The following PLEKHA5 variants were observed in gnomAD, a reference collection of about 807,000 sequenced individuals.
PLEKHA5 encodes the protein pleckstrin homology domain-containing family A member 5.
PLEKHA5 carries 55 observed loss-of-function variants against 181.9 expected under a neutral mutation model. The ratio of observed to expected loss-of-function variants is 0.30; its 90% CI spans 0.24 to 0.38. The LOEUF is 0.38. PLEKHA5 is among the 10% of genes least tolerant of loss of function. PLEKHA5 has a pLI of 1.00. For missense variants in PLEKHA5, 1,432 were observed against 1,549.5 expected, an observed-to-expected ratio of 0.92 and a Z score of 1.27; for synonymous variants, 535 against 529.4, an observed-to-expected ratio of 1.01 and a Z score of -0.15.
chr12:19,278,450 T>C (rs1262285801), intron 11 of PLEKHA5, among the ~76,000 whole-genome samples: 2 of 152,182 alleles, frequency 1.3e-5, no homozygotes, highest in South Asian at 2.1e-4. Flanking sequence ...CTTCCTTACA[T>C]GTTTCTATGA....
chr12:19,138,556 G>C (rs1043341669), intron 3 of PLEKHA5, among the ~76,000 whole-genome samples: 12 of 148,776 alleles, frequency 8.1e-5, no homozygotes, highest in Non-Finnish European at 1.5e-5. Flanking sequence ...CTGGGTGACA[G>C]AGTAAGACTC....
intron 3 of PLEKHA5, among the ~76,000 whole-genome samples, chr12:19,209,311 T>C (rs1034377027): frequency 3.3e-5 from 5 of 152,128 alleles, no homozygotes; most frequent in African/African-American, 1.2e-4. Context: ...GGATAACTCA[T>C]TTTAGGAAGG....
chr12:19,339,747 A>G (rs1341871192), intron 21 of PLEKHA5, among the ~76,000 whole-genome samples: 1 of 152,210 alleles, frequency 6.6e-6, no homozygotes, highest in African/African-American at 2.4e-5. Flanking sequence ...TTGCATATAC[A>G]GCCTTAGACC....
chr12:19,143,637 A>C (rs1256495084), intron 3 of PLEKHA5, among the ~76,000 whole-genome samples: 1 of 152,160 alleles, frequency 6.6e-6, no homozygotes, highest in Admixed American at 6.6e-5. Context: ...ATTATGCACA[A>C]TTATGTATGC....
In PLEKHA5 at chr12:19,283,500, T is replaced by A. The variant is rs779817113; in HGVS notation, c.1534T>A (p.Trp512Arg). The A allele has an allele frequency of 3.7e-6, 6 of 1,614,052 alleles. No individual in the cohort carries two copies. The highest frequency in any genetic ancestry group is 1.3e-5 in the African/African-American group (1 of 74,932). Residue 512 changes from tryptophan (W) to arginine (R), a missense_variant, in exon 12 of 32, where the codon TGG becomes AGG. Around this residue, in one of 2 missense-constraint regions of PLEKHA5, gnomAD observed 1,143 missense variants for 1,168.4 expected, o/e 0.98. Coordinates refer to ENST00000429027, the MANE Select transcript of PLEKHA5 (RefSeq NM_001256470.2). Reference protein sequence around the residue: ...RDDTMWQLYEWQQRQFYNKQS... With the variant: ...RDDTMWQLYERQQRQFYNKQS... ...TGACACAATGTGGCAGCTCTACGAA[T>A]GGCAGCAGCGTCAGTTTTATAACAA...
At chr12:19,135,493 C>T (rs1471411231) in intron 3 of PLEKHA5, among the ~76,000 whole-genome samples, 3 of 152,178 alleles carry the variant, frequency 2.0e-5, no homozygotes, top group East Asian at 1.9e-4. Context: ...AGAGATGATG[C>T]GGGAAATATG....
intron 31 of PLEKHA5, among the ~76,000 whole-genome samples, chr12:19,375,291 C>G (rs1991588): frequency 0.23 from 35,031 of 151,886 alleles, 4,027 homozygotes; most frequent in Middle Eastern, 0.34. Context: ...ACCACTGCAC[C>G]CCAGCCTAGG....
chr12:19,171,177 T>C (rs1237742726), intron 3 of PLEKHA5, among the ~76,000 whole-genome samples: 1 of 152,160 alleles, frequency 6.6e-6, no homozygotes, highest in Non-Finnish European at 1.5e-5. Context: ...AGCTTGAGGA[T>C]TGTGATGTCC....
chr12:19,231,339 G>A (rs546729309), intron 3 of PLEKHA5, among the ~76,000 whole-genome samples: 2 of 151,846 alleles, frequency 1.3e-5, no homozygotes, highest in African/African-American at 2.4e-5. Context: ...TGTAGAAAAC[G>A]AGTTAGATTT....
intron 3 of PLEKHA5, among the ~76,000 whole-genome samples, chr12:19,203,767 T>A (rs973395884): frequency 1.3e-5 from 2 of 152,162 alleles, no homozygotes; most frequent in African/African-American, 4.8e-5. Flanking sequence ...TTGTACTCAT[T>A]TTTGTTTCCA....
At chr12:19,354,446 C>A (rs1413552473) in intron 26 of PLEKHA5, among the ~76,000 whole-genome samples, 1 of 146,514 alleles carries the variant, frequency 6.8e-6, no homozygotes, top group Non-Finnish European at 1.5e-5. Flanking sequence ...AGCCACCGCC[C>A]CCCAGCCCGA....
rs150625648 is a variant in PLEKHA5, at chr12:19,239,248, C to G, written c.228-14692C>G. Reference sequence around the variant, plus strand: ...TGATCAAAACCTGCTAGTTAACTAGCCTGTTGATAGCATGCCCTGCGTTGT... The same window carrying G: ...TGATCAAAACCTGCTAGTTAACTAGGCTGTTGATAGCATGCCCTGCGTTGT... On this transcript the variant is annotated intron_variant, in intron 3 of 31. Transcript: ENST00000429027. 7.2e-5 allele frequency among the ~76,000 whole-genome samples: 11 copies of G among 152,278 alleles called. No homozygotes were observed. In the East Asian group the frequency reaches 2.1e-3, roughly 29 times the overall value.
At chr12:19,253,073 T>TTTTTTTTTTTTTTTTTTTTTTTTTTG (rs2065824419) in intron 3 of PLEKHA5, among the ~76,000 whole-genome samples, 1 of 119,740 alleles carries the variant, frequency 8.4e-6, no homozygotes, top group Non-Finnish European at 1.8e-5. Context: ...CCTTTTTTTT[T>TTTTTTTTTTTTTTTTTTTTTTTTTTG]TTTTTTTTTT....
Position 19,330,058 on chromosome 12 carries a change from A to G in PLEKHA5, c.2449-6457A>G, listed in dbSNP as rs192737552. 3.5e-4 allele frequency among the ~76,000 whole-genome samples: 54 copies of G among 152,350 alleles called. 1 individual carries two copies. The highest frequency in any genetic ancestry group is 2.1e-3 in the Admixed American group (32 of 15,296). On this transcript the variant is annotated intron_variant, in intron 20 of 31. Coordinates refer to ENST00000429027, the MANE Select transcript of PLEKHA5 (RefSeq NM_001256470.2). ...AAAGTGAGACCCTGTTTCAAAAAAC[A>G]AAACAAAAGAAAATCCACAAAAAAG...
chr12:19,345,348 C>T (rs1430900553), intron 22 of PLEKHA5, among the ~76,000 whole-genome samples: 3 of 141,728 alleles, frequency 2.1e-5, no homozygotes, highest in Non-Finnish European at 3.1e-5. Context: ...TGCAGTGAGC[C>T]GAGATCTTGC....
chr12:19,370,572 T>C (rs2095549405), intron 31 of PLEKHA5: 1 of 152,190 alleles, frequency 6.6e-6, no homozygotes, highest in Non-Finnish European at 1.5e-5. Flanking sequence ...TCTCACAGCA[T>C]CTACCATATC....
chr12:19,305,756 A>T (rs996710739), intron 15 of PLEKHA5, among the ~76,000 whole-genome samples: 8 of 148,518 alleles, frequency 5.4e-5, no homozygotes, highest in African/African-American at 2.0e-4. Context: ...GCTGCTCGGG[A>T]GTCTGAGACA....
At chr12:19,169,341 C>T (rs1007387906) in intron 3 of PLEKHA5, among the ~76,000 whole-genome samples, 1 of 152,082 alleles carries the variant, frequency 6.6e-6, no homozygotes, top group Non-Finnish European at 1.5e-5. Context: ...AGGTGGCTTC[C>T]GCTGACAGTG....
chr12:19,231,990 A>G (rs1425887496), intron 3 of PLEKHA5, among the ~76,000 whole-genome samples: 3 of 152,114 alleles, frequency 2.0e-5, no homozygotes, highest in African/African-American at 4.8e-5. Context: ...ATAACCACAC[A>G]TTTCTCCTAT....
Sources: allele counts gnomAD v4.1 joint callset (sites outside exome capture counted in the v4.1 genomes callset), GRCh38; gene constraint gnomAD v4.1.1; regional missense constraint gnomAD v4.1.1; transcripts MANE v1.5; gene names NCBI Gene and HGNC (gene_info 2026-07-23, HGNC 2026-07-21).